The following GPATCH1 variants were observed in gnomAD, a reference collection of about 807,000 sequenced individuals.
GPATCH1 encodes G-patch domain containing 1.
GPATCH1 carries 73 observed loss-of-function variants against 114.9 expected under a neutral mutation model. That is an observed-to-expected ratio of 0.64 (90% CI 0.53 to 0.77). The LOEUF (loss-of-function observed/expected upper bound fraction) is 0.77. Ranked by LOEUF, GPATCH1 falls within the 30% of genes least tolerant of loss-of-function variation. The probability of loss-of-function intolerance (pLI) is 0.00; values close to 1 mark genes in which losing one functional copy is unlikely to be tolerated. For missense variants in GPATCH1, 1,058 were observed against 1,144.3 expected (o/e 0.92, Z 1.09); for synonymous variants, 391 against 428.4 (o/e 0.91, Z 1.08).
At chr19:33,090,311 T>C (rs1368032159) in intron 2 of GPATCH1, among the ~76,000 whole-genome samples, 3 of 152,212 alleles carry the variant, frequency 2.0e-5, no homozygotes, top group African/African-American at 2.4e-5. Flanking sequence ...ATTCCTTCTG[T>C]TACTCTCTCT....
intron 4 of GPATCH1, 133 bp downstream of exon 4, chr19:33,093,652 T>G: frequency 1.2e-6 from 1 of 838,150 alleles, no homozygotes; most frequent in Non-Finnish European, 1.9e-6. Context: ...AAAAAGGGGG[T>G]TTTGCGTAAA....
At chr19:33,109,592 C>CA in intron 10 of GPATCH1, 125 bp from the exon 11 acceptor site, 2 of 588,176 alleles carry the variant, frequency 3.4e-6, no homozygotes, top group Non-Finnish European at 6.0e-6. Flanking sequence ...ATAAATGAAA[C>CA]ACTAAACATA....
intron 17 of GPATCH1, among the ~76,000 whole-genome samples, chr19:33,124,414 ATCCTCCTGCCTG>A (rs1175562026): frequency 6.6e-6 from 1 of 152,000 alleles, no homozygotes; most frequent in Admixed American, 6.6e-5. Context: ...GAGGTCAAGG[ATCCTCCTGCCTG>A]GGCCTCCCAA....
Position 33,119,613 on chromosome 19 carries a change from G to A in GPATCH1, c.2521+496G>A, listed in dbSNP as rs182497017. On this transcript the variant is annotated intron_variant, in intron 17 of 19. Transcript: ENST00000170564. ...CTCTGGAGGCTGAGGCAGAAGAATC[G>A]CTTGAACCCGGGAGGTGGAGGTTGC... 5.1e-4 allele frequency among the ~76,000 whole-genome samples: 78 copies of A among 151,788 alleles called. No homozygotes were observed. The East Asian group carries it at 0.013, about 24-fold the overall frequency.
In GPATCH1 at chr19:33,130,139, T is replaced by A; in HGVS notation, c.2775T>A (p.Ser925Arg). 1 of 1,611,686 alleles carries A rather than the reference T, an allele frequency of 6.2e-7. No individual in the cohort carries two copies. The highest frequency in any genetic ancestry group is 1.1e-5 in the South Asian group (1 of 91,006). Residue 925 changes from serine (S) to arginine (R), a missense_variant, in exon 20 of 20, where the codon AGT (serine) becomes AGA (arginine). This residue lies in a region of GPATCH1 where 893 missense variants were observed against 977.4 expected (regional missense o/e 0.91). Transcript: ENST00000170564. ...CTGTTTTCTTTTCCAGGCTGAAAAGTCTTCCACTAAGAAGGCAGTAATTGA... is the reference window on the plus strand; with the variant it reads ...CTGTTTTCTTTTCCAGGCTGAAAAGACTTCCACTAAGAAGGCAGTAATTGA... ...SPQELLRRLKSLPLRRQ is the reference protein window; with the variant it reads ...SPQELLRRLKRLPLRRQ
In GPATCH1 at chr19:33,114,332, T is replaced by G; in HGVS notation, c.2109T>G (p.Ala703=). 6.2e-7 allele frequency: 1 copy of G among 1,613,576 alleles called. No individual in the cohort carries two copies. Among genetic ancestry groups the G allele is most frequent in the Non-Finnish European group, 8.5e-7 (1 of 1,179,576 alleles). ...EDSISEFLSL[A]RSKAEPPKQQ... The stretch of plus-strand genomic sequence containing the variant: ...CCATTAGTGAATTTTTAAGTTTGGC[T>G]AGATCAAAAGCCGAGCCACCTAAAC... Residue 703 remains alanine, a synonymous_variant, in exon 15 of 20, where the codon GCT becomes GCG. Coordinates refer to ENST00000170564, the MANE Select transcript of GPATCH1 (RefSeq NM_018025.3).
At chr19:33,104,435 G>A (rs1176032118) in intron 9 of GPATCH1, among the ~76,000 whole-genome samples, 6 of 152,172 alleles carry the variant, frequency 3.9e-5, no homozygotes, top group African/African-American at 1.4e-4. Flanking sequence ...TTTTTGTGTG[G>A]TGGTAACATG....
At chr19:33,093,635 C>G in intron 4 of GPATCH1, 116 bp downstream of exon 4, 2 of 995,406 alleles carry the variant, frequency 2.0e-6, no homozygotes, top group Non-Finnish European at 3.0e-6. Context: ...GGCTCAAAGT[C>G]TAAGTGAAAA....
rs760368846 is a variant in GPATCH1 at position 33,114,293 on chromosome 19, A to G, written c.2070A>G (p.Glu690=). The G allele has an allele frequency of 1.9e-6, 3 of 1,613,112 alleles. No homozygotes were observed. In the African/African-American group the frequency reaches 4.0e-5, roughly 22 times the overall value. ...CCAGATGGGATACCTCTAAACACGA[A>G]AAGAAAGAAGATTCCATTAGTGAAT... ...KPSRWDTSKH[E]KKEDSISEFL... Residue 690 remains glutamate (E), a synonymous_variant, in exon 15 of 20, where the codon GAA becomes GAG. Transcript: ENST00000170564.
intron 9 of GPATCH1, among the ~76,000 whole-genome samples, chr19:33,103,532 C>T (rs1321847943): frequency 6.6e-6 from 1 of 151,996 alleles, no homozygotes. Flanking sequence ...GAAACCCCAC[C>T]TCTACTAAAA....
At position 33,096,352 on chromosome 19, in the gene GPATCH1, A is replaced by G. The variant is rs757347132; in HGVS notation, c.758A>G (p.Glu253Gly). The change falls in exon 7 of 20, where the codon GAA becomes GGA. Residue 253 changes from glutamate to glycine, a missense_variant. Physicochemically the swap from Glu to Gly is moderately conservative, Grantham distance 98 (BLOSUM62 -2). This residue lies in a region of GPATCH1 where 893 missense variants were observed against 977.4 expected (regional missense o/e 0.91). Coordinates refer to ENST00000170564, the MANE Select transcript of GPATCH1 (RefSeq NM_018025.3). The part of the protein sequence containing the change: ...PHQALFGTSG[E>G]HFNLFSGGSE... ...CAGGCACTGTTTGGAACTTCGGGAG[A>G]ACATTTTAATCTTTTCAGTGGTGGT... 4 of 1,614,120 alleles carry G rather than the reference A, an allele frequency of 2.5e-6. No homozygotes were observed. In the South Asian group the frequency reaches 3.3e-5, roughly 13 times the overall value.
At chr19:33,106,961 G>A in intron 10 of GPATCH1, 62 bp downstream of exon 10, 3 of 1,372,962 alleles carry the variant, frequency 2.2e-6, no homozygotes. Context: ...AATCAAAATG[G>A]AAAGTTGTTG....
intron 8 of GPATCH1, among the ~76,000 whole-genome samples, chr19:33,099,211 A>G (rs1253414773): frequency 6.6e-6 from 1 of 151,060 alleles, no homozygotes; most frequent in Non-Finnish European, 1.5e-5. Context: ...TATTTTAATT[A>G]TTCATTATTT....
Position 33,114,341 on chromosome 19 carries a change from AG to A in GPATCH1, c.2119del (p.Ala707ProfsTer11), listed in dbSNP as rs755718004. On this transcript the variant is annotated frameshift_variant, in exon 15 of 20. Transcript: ENST00000170564. LOFTEE classifies it high-confidence loss of function. ...SEFLSLARSKAEPPKQQSSPL... is the reference protein window; with the variant it reads ...SEFLSLARSKXEPPKQQSSPL... ...AATTTTTAAGTTTGGCTAGATCAAAAGCCGAGCCACCTAAACAACAGTCCAG... is the reference window on the plus strand; with the variant it reads ...AATTTTTAAGTTTGGCTAGATCAAAACCGAGCCACCTAAACAACAGTCCAG... 2 of 1,613,562 alleles carry A rather than the reference AG, an allele frequency of 1.2e-6. No homozygotes were observed. Among genetic ancestry groups the A allele is most frequent in the South Asian group, 2.2e-5 (2 of 91,062 alleles).
chr19:33,094,985 G>A (rs1318917514), intron 5 of GPATCH1, among the ~76,000 whole-genome samples: 1 of 152,084 alleles, frequency 6.6e-6, no homozygotes, highest in African/African-American at 2.4e-5. Flanking sequence ...GCAACACGGT[G>A]AAACCCTGCC....
intron 17 of GPATCH1, among the ~76,000 whole-genome samples, chr19:33,121,570 C>T (rs1289661638): frequency 1.3e-5 from 2 of 152,130 alleles, no homozygotes; most frequent in Admixed American, 6.6e-5. Context: ...CTGCCCGCCT[C>T]AGCCTCCCAA....
At chr19:33,093,642 A>G (rs999060110) in intron 4 of GPATCH1, 123 bp downstream of exon 4, 21 of 909,732 alleles carry the variant, frequency 2.3e-5, no homozygotes, top group Non-Finnish European at 3.4e-5. Context: ...AGTCTAAGTG[A>G]AAAAGGGGGT....
intron 2 of GPATCH1, among the ~76,000 whole-genome samples, chr19:33,090,337 G>A (rs533411574): frequency 1.3e-5 from 2 of 152,278 alleles, no homozygotes; most frequent in East Asian, 1.9e-4. Flanking sequence ...CACTCTGACT[G>A]ATTAAAACAC....
intron 5 of GPATCH1, among the ~76,000 whole-genome samples, chr19:33,094,573 C>A (rs564127199): frequency 1.3e-5 from 2 of 152,210 alleles, no homozygotes; most frequent in African/African-American, 4.8e-5. Context: ...AATAGCTGGG[C>A]CCAGTGGTAT....
Sources: gnomAD v4.1 joint callset for allele counts (sites outside exome capture counted in the v4.1 genomes callset) on GRCh38, gnomAD v4.1.1 for gene constraint, gnomAD v4.1.1 regional missense constraint, MANE v1.5 for transcripts, NCBI Gene and HGNC (gene_info 2026-07-23, HGNC 2026-07-21) for gene names.